Variants in GDPD4 observed in about 807,000 individuals in gnomAD.
The protein encoded by GDPD4 is glycerophosphodiester phosphodiesterase domain containing 4.
Under a neutral mutation model 67.8 loss-of-function variants are expected in GDPD4, and 60 were observed. The ratio of observed to expected loss-of-function variants is 0.88; its 90% CI spans 0.72 to 1.10. The LOEUF (loss-of-function observed/expected upper bound fraction) is 1.10. Ranked by LOEUF, GDPD4 falls within the 50% of genes least tolerant of loss-of-function variation. GDPD4 has a pLI of 0.00. For missense variants in GDPD4, 623 were observed against 613.9 expected (o/e 1.01, Z -0.16); for synonymous variants, 212 against 210.9 (o/e 1.00, Z -0.04).
chr11:77,222,874 A>C (rs998509885), intron 16 of GDPD4, among the ~76,000 whole-genome samples: 6 of 152,136 alleles, frequency 3.9e-5, no homozygotes, highest in African/African-American at 1.4e-4. Context: ...ACACCAATCA[A>C]ATGTAGATTT....
intron 13 of GDPD4, among the ~76,000 whole-genome samples, chr11:77,234,475 T>C (rs1458859770): frequency 1.3e-5 from 2 of 152,130 alleles, no homozygotes; most frequent in Non-Finnish European, 2.9e-5. Flanking sequence ...CCACAGGTAG[T>C]TTTCCAACCC....
intron 15 of GDPD4, among the ~76,000 whole-genome samples, chr11:77,228,695 C>A (rs1591529945): frequency 6.6e-6 from 1 of 151,682 alleles, no homozygotes; most frequent in Non-Finnish European, 1.5e-5. Context: ...CTCAAAAAAA[C>A]GAACAAAAAA....
chr11:77,227,942 A>T lies in GDPD4; in HGVS notation c.1473-26T>A, dbSNP rs762996264. On this transcript the variant is annotated intron_variant, in intron 15 of 16. Coordinates refer to ENST00000315938, the MANE Select transcript of GDPD4 (RefSeq NM_182833.3). ...CTAGAAGGAAGCAGACCATCCATGA[A>T]ATGAAGGGGTCTAAAGAATCATGGT... 40 of 1,520,626 alleles carry T rather than the reference A, an allele frequency of 2.6e-5. 1 individual carries two copies. In the South Asian group the frequency reaches 4.4e-4, roughly 17 times the overall value. The allele number at this position is 1,520,626 out of a possible 1,614,324, so 94.2% of individuals were successfully genotyped here.
chr11:77,254,677 A>G (rs1480257553), intron 11 of GDPD4, among the ~76,000 whole-genome samples: 1 of 152,202 alleles, frequency 6.6e-6, no homozygotes, highest in Non-Finnish European at 1.5e-5. Context: ...AGGATATAAC[A>G]AAGTTCCACG....
rs1232985113 is a variant in GDPD4 at position 77,217,254 on chromosome 11, T to C, written c.*23A>G. On this transcript the variant is annotated 3_prime_UTR_variant, in exon 17 of 17. Transcript: ENST00000315938. ...TCCACAACTCGGACAGGAGGTTTCATGGCTATGTGCAAATCTATCTATCTA... is the reference window on the plus strand; with the variant it reads ...TCCACAACTCGGACAGGAGGTTTCACGGCTATGTGCAAATCTATCTATCTA... 6.3e-7 allele frequency: 1 copy of C among 1,578,360 alleles called. No individual in the cohort carries two copies. Among genetic ancestry groups the C allele is most frequent in the Non-Finnish European group, 8.7e-7 (1 of 1,147,398 alleles).
At position 77,245,313 on chromosome 11, in the gene GDPD4, C is replaced by T. The variant is rs532591376; in HGVS notation, c.1054G>A (p.Val352Met). 45 of 1,614,130 alleles carry T rather than the reference C, an allele frequency of 2.8e-5. No individual in the cohort carries two copies. Among genetic ancestry groups the T allele is most frequent in the Non-Finnish European group, 3.4e-5 (40 of 1,180,010 alleles). Residue 352 changes from valine (V) to methionine (M), a missense_variant, in exon 12 of 17, where the codon GTG becomes ATG. By Grantham distance (21) the Val-to-Met change is conservative (BLOSUM62 1). Coordinates refer to ENST00000315938, the MANE Select transcript of GDPD4 (RefSeq NM_182833.3). ...RHTFVRQVVS[V>M]ILASKIEQHL... ...TGCTCGATTTTAGAGGCAAGGATCA[C>T]GCTTACTACTTGGCGGACAAATGTG...
At chr11:77,232,752 A>G (rs920789502) in intron 14 of GDPD4, among the ~76,000 whole-genome samples, 3 of 152,260 alleles carry the variant, frequency 2.0e-5, no homozygotes, top group African/African-American at 4.8e-5. Context: ...CATGAAGATG[A>G]TAACAGTGGC....
intron 4 of GDPD4, among the ~76,000 whole-genome samples, 200 bp from the exon 5 acceptor site, chr11:77,276,420 C>T (rs529900047): frequency 3.9e-5 from 6 of 152,298 alleles, no homozygotes; most frequent in African/African-American, 1.4e-4. Context: ...ACTGACTCTT[C>T]AAAGCCAGTT....
chr11:77,247,277 G>T (rs534874444), intron 11 of GDPD4, among the ~76,000 whole-genome samples: 1 of 152,242 alleles, frequency 6.6e-6, no homozygotes, highest in Non-Finnish European at 1.5e-5. Flanking sequence ...TCAAGATTTT[G>T]TTAGCTACTA....
rs1016318579 is a variant in GDPD4 at position 77,217,402 on chromosome 11, G to A, written c.1526-88C>T. 7.7e-6 allele frequency: 8 copies of A among 1,045,684 alleles called. No homozygotes were observed. In the African/African-American group the frequency reaches 1.3e-4, roughly 16 times the overall value. The allele number at this position is 1,045,684 out of a possible 1,614,324, so 64.8% of individuals were successfully genotyped here. On this transcript the variant is annotated intron_variant, in intron 16 of 16. Coordinates refer to ENST00000315938, the MANE Select transcript of GDPD4 (RefSeq NM_182833.3). ...GTGAAATTCAAGTTATCTCTTAAATGTTAGCCACTCCCTTACCCTTTCAGG... is the reference window on the plus strand; with the variant it reads ...GTGAAATTCAAGTTATCTCTTAAATATTAGCCACTCCCTTACCCTTTCAGG...
At chr11:77,254,881 T>C (rs1176040123) in intron 11 of GDPD4, among the ~76,000 whole-genome samples, 3 of 152,206 alleles carry the variant, frequency 2.0e-5, no homozygotes, top group African/African-American at 7.2e-5. Context: ...ACCCAACCAA[T>C]AAAGAATCAT....
intron 11 of GDPD4, among the ~76,000 whole-genome samples, chr11:77,252,152 C>G (rs751461529): frequency 2.0e-5 from 3 of 151,256 alleles, no homozygotes; most frequent in Non-Finnish European, 4.4e-5. Context: ...CAACCTCCCC[C>G]TCCCGGGTTC....
At chr11:77,293,640 T>C (rs1273915961) in intron 1 of GDPD4, among the ~76,000 whole-genome samples, 2 of 151,478 alleles carry the variant, frequency 1.3e-5, no homozygotes, top group Non-Finnish European at 2.9e-5. Flanking sequence ...AAACTAAAAC[T>C]ATATGGCCAT....
At chr11:77,289,836 A>T in intron 1 of GDPD4, among the ~76,000 whole-genome samples, 1 of 121,198 alleles carries the variant, frequency 8.3e-6, no homozygotes, top group Non-Finnish European at 1.8e-5. Flanking sequence ...GAGGGAGGGG[A>T]AGGAAAGGAG....
intron 16 of GDPD4, among the ~76,000 whole-genome samples, chr11:77,223,917 TA>T (rs1316494799): frequency 6.6e-6 from 1 of 152,198 alleles, no homozygotes; most frequent in African/African-American, 2.4e-5. Context: ...ACCCCTCCCC[TA>T]GCCAGGCTGT....
chr11:77,258,825 G>A (rs1490354021), intron 10 of GDPD4, among the ~76,000 whole-genome samples: 1 of 152,208 alleles, frequency 6.6e-6, no homozygotes. Context: ...AGCAGGCACA[G>A]TAGTGGCCTG....
intron 13 of GDPD4, among the ~76,000 whole-genome samples, chr11:77,235,010 T>TTTTTTTTTTG (rs1958526997): frequency 5.4e-5 from 1 of 18,552 alleles, no homozygotes; most frequent in Admixed American, 9.3e-4. Context: ...TCAATATCTG[T>TTTTTTTTTTG]TTTTTTTTTT....
chr11:77,250,135 G>C (rs533949357), intron 11 of GDPD4, among the ~76,000 whole-genome samples: 6 of 151,960 alleles, frequency 3.9e-5, no homozygotes, highest in Non-Finnish European at 7.4e-5. Context: ...ACATGTGCCG[G>C]TTTGTTACCT....
chr11:77,261,145 G>A (rs1291833128), intron 10 of GDPD4, among the ~76,000 whole-genome samples: 2 of 152,046 alleles, frequency 1.3e-5, no homozygotes, highest in Non-Finnish European at 1.5e-5. Context: ...TTTTCCTGCA[G>A]GCATATCTTG....
Sources: gnomAD v4.1 joint callset for allele counts (sites outside exome capture counted in the v4.1 genomes callset) on GRCh38, gnomAD v4.1.1 for gene constraint, MANE v1.5 for transcripts, NCBI Gene and HGNC (gene_info 2026-07-23, HGNC 2026-07-21) for gene names.